The following SS18 variants were observed in gnomAD, a reference collection of about 807,000 sequenced individuals.
The protein encoded by SS18 is SS18 subunit of BAF chromatin remodeling complex, also known as protein SSXT.
SS18 carries 28 observed loss-of-function variants against 72.5 expected under a neutral mutation model. That is an observed-to-expected ratio of 0.39 (90% confidence interval 0.29 to 0.53). The LOEUF is 0.53. Among genes scored for constraint, SS18 ranks in the 20% least tolerant of loss-of-function variants. SS18 has a pLI of 0.76. For missense variants in SS18, 518 were observed against 535.3 expected (o/e 0.97, Z 0.32); for synonymous variants, 172 against 164.2 (o/e 1.05, Z -0.37).
At chr18:26,060,247 G>A (rs572434218) in intron 3 of SS18, among the ~76,000 whole-genome samples, 2 of 152,264 alleles carry the variant, frequency 1.3e-5, no homozygotes, top group Non-Finnish European at 2.9e-5. Context: ...GCTACAACAT[G>A]GATGAACCTT....
At chr18:26,058,717 A>C (rs1322491292) in intron 3 of SS18, among the ~76,000 whole-genome samples, 1 of 152,210 alleles carries the variant, frequency 6.6e-6, no homozygotes, top group East Asian at 1.9e-4. Flanking sequence ...ATAATCACTA[A>C]CATTTACAGA....
intron 4 of SS18, among the ~76,000 whole-genome samples, chr18:26,053,676 CA>C (rs543614415): frequency 2.0e-5 from 3 of 150,462 alleles, no homozygotes; most frequent in African/African-American, 7.5e-5. Flanking sequence ...CTAGTTCACA[CA>C]AAAACTACAA....
intron 3 of SS18, 70 bp downstream of exon 3, chr18:26,078,006 C>T: frequency 2.6e-6 from 3 of 1,139,136 alleles, no homozygotes; most frequent in Non-Finnish European, 3.8e-6. Flanking sequence ...AAAAATCATT[C>T]AACAAAAATG....
At chr18:26,080,308 T>C in intron 2 of SS18, 1 of 984,376 alleles carries the variant, frequency 1.0e-6, no homozygotes, top group Non-Finnish European at 1.2e-6. Context: ...ACATAACCTG[T>C]TTCAGTCTAG....
chr18:26,027,902 G>C (rs1396776220), intron 10 of SS18, among the ~76,000 whole-genome samples: 1 of 151,872 alleles, frequency 6.6e-6, no homozygotes, highest in African/African-American at 2.4e-5. Flanking sequence ...GTTAGGTAAA[G>C]ATTTCTTACA....
intron 3 of SS18, among the ~76,000 whole-genome samples, chr18:26,075,384 T>C (rs1319631125): frequency 6.6e-6 from 1 of 151,884 alleles, no homozygotes; most frequent in Non-Finnish European, 1.5e-5. Context: ...AAGTGGGTCA[T>C]CAACAAGTAG....
chr18:26,053,469 T>C (rs895746047), intron 4 of SS18, among the ~76,000 whole-genome samples: 6 of 151,902 alleles, frequency 3.9e-5, no homozygotes, highest in African/African-American at 4.8e-5. Context: ...CCATAAAACA[T>C]TGATAAATTA....
chr18:26,024,276 T>C (rs2053407254), intron 10 of SS18, among the ~76,000 whole-genome samples: 1 of 152,218 alleles, frequency 6.6e-6, no homozygotes, highest in South Asian at 2.1e-4. Flanking sequence ...CTAATAGGTA[T>C]ACAGTTTATC....
rs1277245228 is a variant in SS18 at position 26,090,525 on chromosome 18, C to A, written c.45G>T (p.Glu15Asp). The A allele has an allele frequency of 6.3e-7, 1 of 1,586,176 alleles. No homozygotes were observed. Among genetic ancestry groups the A allele is most frequent in the South Asian group, 1.2e-5 (1 of 86,556 alleles). Residue 15 changes from glutamate (E) to aspartate (D), a missense_variant, in exon 1 of 11, where the codon GAG becomes GAT. Coordinates refer to ENST00000415083, the MANE Select transcript of SS18 (RefSeq NM_001007559.3). The stretch of plus-strand genomic sequence containing the variant: ...CCTTCTGAATCGCAGCGGGAGTGAT[C>A]TCCCCCTTGCCTCGCTGCCTCGGGG... ...FAAPRQRGKG[E>D]ITPAAIQKML...
chr18:26,070,251 T>C (rs2054289815), intron 3 of SS18, among the ~76,000 whole-genome samples: 1 of 152,230 alleles, frequency 6.6e-6, no homozygotes, highest in African/African-American at 2.4e-5. Flanking sequence ...ATTTAAATGA[T>C]GCCTGCAAGG....
intron 1 of SS18, chr18:26,089,739 T>C (rs774679936): frequency 5.9e-5 from 9 of 152,372 alleles, no homozygotes; most frequent in Non-Finnish European, 1.3e-4. Context: ...CAGCTCCCTG[T>C]GTATTTATCA....
chr18:26,079,251 TA>T (rs1337239220), intron 2 of SS18: 1 of 152,226 alleles, frequency 6.6e-6, no homozygotes, highest in Non-Finnish European at 1.5e-5. Context: ...TAAACATGCT[TA>T]TTGTAATCTT....
At chr18:26,075,829 C>A (rs1598605174) in intron 3 of SS18, among the ~76,000 whole-genome samples, 1 of 151,942 alleles carries the variant, frequency 6.6e-6, no homozygotes, top group East Asian at 1.9e-4. Flanking sequence ...ATACAGAAAA[C>A]TGAAAGCATC....
chr18:26,077,952 C>G, intron 3 of SS18, 124 bp downstream of exon 3: 4 of 578,090 alleles, frequency 6.9e-6, no homozygotes, highest in Non-Finnish European at 8.8e-6. Flanking sequence ...ACATAGAATA[C>G]TTTCATGTTC....
Position 26,038,541 on chromosome 18 carries a change from T to C in SS18, c.880+14A>G, listed in dbSNP as rs749801259. 1 of 1,604,738 alleles carries C rather than the reference T, an allele frequency of 6.2e-7. No homozygotes were observed. On this transcript the variant is annotated intron_variant, in intron 7 of 10. Transcript: ENST00000415083. ...GGGATAGAAAATGGGAAAGTTAACA[T>C]CAGGAGAGATTACCATCAGGGTAAT...
intron 2 of SS18, among the ~76,000 whole-genome samples, chr18:26,087,297 T>C (rs1879107822): frequency 6.6e-6 from 1 of 152,134 alleles, no homozygotes; most frequent in South Asian, 2.1e-4. Context: ...CCAGTGTCTT[T>C]TGGGGATGTT....
intron 2 of SS18, chr18:26,086,004 T>G (rs2144186508): frequency 6.6e-6 from 1 of 151,926 alleles, no homozygotes; most frequent in East Asian, 1.9e-4. Flanking sequence ...ATCCACAGAT[T>G]CCACATCCTT....
chr18:26,075,505 T>C (rs903619562), intron 3 of SS18, among the ~76,000 whole-genome samples: 1 of 151,924 alleles, frequency 6.6e-6, no homozygotes, highest in African/African-American at 2.4e-5. Flanking sequence ...TTCGATGCAA[T>C]AAAAGTACTT....
At chr18:26,074,564 CAA>C (rs1482396809) in intron 3 of SS18, among the ~76,000 whole-genome samples, 2 of 151,920 alleles carry the variant, frequency 1.3e-5, no homozygotes, top group African/African-American at 2.4e-5. Flanking sequence ...ATTCATCTCA[CAA>C]AGATAGTTAT....
Sources: allele counts gnomAD v4.1 joint callset (sites outside exome capture counted in the v4.1 genomes callset), GRCh38; gene constraint gnomAD v4.1.1; transcripts MANE v1.5; gene names NCBI Gene and HGNC (gene_info 2026-07-23, HGNC 2026-07-21).